Variants in PPFIA2 observed in about 807,000 individuals in gnomAD.
PPFIA2 encodes liprin-alpha-2.
Under a neutral mutation model 175.5 loss-of-function variants are expected in PPFIA2, and 46 were observed. The ratio of observed to expected loss-of-function variants is 0.26; its 90% CI spans 0.21 to 0.34. The LOEUF (loss-of-function observed/expected upper bound fraction) is 0.34. Ranked by LOEUF, PPFIA2 falls within the 10% of genes least tolerant of loss-of-function variation. PPFIA2 has a pLI of 1.00. For missense variants in PPFIA2, 1,179 were observed against 1,506.1 expected (o/e 0.78, Z 3.60); for synonymous variants, 568 against 511.4 (o/e 1.11, Z -1.49).
intron 7 of PPFIA2, among the ~76,000 whole-genome samples, chr12:81,426,349 A>G (rs2047134778): frequency 6.6e-6 from 1 of 152,098 alleles, no homozygotes; most frequent in African/African-American, 2.4e-5. Context: ...TGTAACCTTT[A>G]CCTATAATAA....
At chr12:81,756,101 T>C (rs1245729801) in intron 2 of PPFIA2, among the ~76,000 whole-genome samples, 1 of 152,150 alleles carries the variant, frequency 6.6e-6, no homozygotes, top group Non-Finnish European at 1.5e-5. Flanking sequence ...GCATGAAACC[T>C]ACACATTGAG....
chr12:81,424,620 GC>G (rs1234303946), intron 7 of PPFIA2, among the ~76,000 whole-genome samples: 2 of 151,938 alleles, frequency 1.3e-5, no homozygotes, highest in Non-Finnish European at 2.9e-5. Flanking sequence ...TTTGTATATG[GC>G]CATGAAAATA....
intron 4 of PPFIA2, among the ~76,000 whole-genome samples, chr12:81,484,087 G>A (rs932817854): frequency 1.3e-5 from 2 of 151,966 alleles, no homozygotes; most frequent in African/African-American, 2.4e-5. Flanking sequence ...TTACCTGGGC[G>A]AAGGTCATTT....
chr12:81,306,898 C>T (rs1024597401), intron 22 of PPFIA2, among the ~76,000 whole-genome samples: 1 of 152,044 alleles, frequency 6.6e-6, no homozygotes, highest in African/African-American at 2.4e-5. Context: ...AGTCTTTCCT[C>T]AAATGTCTAA....
At chr12:81,750,830 T>A (rs1211648279) in intron 3 of PPFIA2, among the ~76,000 whole-genome samples, 1 of 152,152 alleles carries the variant, frequency 6.6e-6, no homozygotes, top group African/African-American at 2.4e-5. Flanking sequence ...ATTTAAGACA[T>A]CTATGTCATA....
chr12:81,294,692 AG>A, intron 24 of PPFIA2, 142 bp downstream of exon 24: 1 of 749,336 alleles, frequency 1.3e-6, no homozygotes, highest in African/African-American at 1.8e-5. Context: ...AGTAGCAGCA[AG>A]GTTAATAAAG....
At chr12:81,703,051 T>C (rs533388972) in intron 3 of PPFIA2, among the ~76,000 whole-genome samples, 1 of 152,242 alleles carries the variant, frequency 6.6e-6, no homozygotes, top group African/African-American at 2.4e-5. Flanking sequence ...GCAGCACAAG[T>C]AGACTAAGAC....
chr12:81,701,993 G>C (rs145683645), intron 3 of PPFIA2, among the ~76,000 whole-genome samples: 1 of 151,520 alleles, frequency 6.6e-6, no homozygotes, highest in Admixed American at 6.6e-5. Flanking sequence ...TGAGGAAAGA[G>C]AAAGAGAAAC....
chr12:81,751,693 A>G (rs893795741), intron 3 of PPFIA2, among the ~76,000 whole-genome samples: 1 of 152,160 alleles, frequency 6.6e-6, no homozygotes, highest in Non-Finnish European at 1.5e-5. Context: ...GCTGGGCAGT[A>G]TATTTAAAAA....
chr12:81,605,296 G>A (rs762306985), intron 4 of PPFIA2, among the ~76,000 whole-genome samples: 1 of 151,654 alleles, frequency 6.6e-6, no homozygotes, highest in African/African-American at 2.4e-5. Context: ...TTGATAAATG[G>A]TCAGGGGAAA....
At chr12:81,535,068 T>C (rs893835034) in intron 4 of PPFIA2, among the ~76,000 whole-genome samples, 4 of 151,724 alleles carry the variant, frequency 2.6e-5, no homozygotes, top group African/African-American at 4.8e-5. Context: ...TTTGAACTTA[T>C]TGTTATAGCA....
intron 5 of PPFIA2, among the ~76,000 whole-genome samples, chr12:81,449,045 C>T (rs1268156896): frequency 6.6e-6 from 1 of 152,212 alleles, no homozygotes; most frequent in Non-Finnish European, 1.5e-5. Flanking sequence ...TTCTGATCCT[C>T]ACTCTGTAAG....
At chr12:81,278,483 G>A (rs2041165892) in intron 27 of PPFIA2, among the ~76,000 whole-genome samples, 1 of 149,338 alleles carries the variant, frequency 6.7e-6, no homozygotes, top group Admixed American at 6.7e-5. Flanking sequence ...GGAGGTTGAA[G>A]TAGCCCAGAT....
chr12:81,432,733 A>C (rs937001610), intron 7 of PPFIA2, among the ~76,000 whole-genome samples: 2 of 152,114 alleles, frequency 1.3e-5, no homozygotes, highest in African/African-American at 4.8e-5. Flanking sequence ...CTGGGATTAC[A>C]GGCGTGAGCC....
At chr12:81,746,225 T>C (rs1326921933) in intron 3 of PPFIA2, among the ~76,000 whole-genome samples, 4 of 144,566 alleles carry the variant, frequency 2.8e-5, no homozygotes, top group Admixed American at 7.3e-5. Flanking sequence ...ATCTTTGTTA[T>C]TGAACACTTA....
chr12:81,721,452 A>AACAC (rs140887410), intron 3 of PPFIA2, among the ~76,000 whole-genome samples: 60 of 149,060 alleles, frequency 4.0e-4, no homozygotes, highest in Middle Eastern at 3.4e-3. Context: ...CACACACATA[A>AACAC]ACACACACAC....
chr12:81,294,435 T>TAGGA (rs1359167074), intron 24 of PPFIA2: 24 of 83,360 alleles, frequency 2.9e-4, no homozygotes, highest in African/African-American at 6.5e-4. Flanking sequence ...GGAAGGAAGG[T>TAGGA]AGGTAGGAAG....
Position 81,339,177 on chromosome 12 carries a change from T to G in PPFIA2, c.2548+3A>C. On this transcript the variant is annotated splice_donor_region_variant and intron_variant, in intron 21 of 32. Transcript: ENST00000549396. ...TGGAAAGTCTTAACACATGCATACT[T>G]ACGGAGCTGCCCAAGTCGAGCTTTT... 6.3e-7 allele frequency: 1 copy of G among 1,590,624 alleles called. No individual in the cohort carries two copies. The highest frequency in any genetic ancestry group is 8.6e-7 in the Non-Finnish European group (1 of 1,169,072).
At chr12:81,422,720 T>A (rs559031301) in intron 7 of PPFIA2, among the ~76,000 whole-genome samples, 1 of 151,960 alleles carries the variant, frequency 6.6e-6, no homozygotes, top group Non-Finnish European at 1.5e-5. Flanking sequence ...TAAAATTACC[T>A]CCCATTGGGT....
Sources: allele counts gnomAD v4.1 joint callset (sites outside exome capture counted in the v4.1 genomes callset), GRCh38; gene constraint gnomAD v4.1.1; transcripts MANE v1.5; gene names NCBI Gene and HGNC (gene_info 2026-07-23, HGNC 2026-07-21).